The following DRC8 variants were observed in gnomAD, a reference collection of about 807,000 sequenced individuals.
The protein encoded by DRC8 is dynein regulatory complex protein 8.
the DRC8 span, among the ~76,000 whole-genome samples, chr1:245,065,520 C>T: frequency 3.4e-4 from 52 of 152,144 alleles, no homozygotes; most frequent in African/African-American, 1.2e-3. Flanking sequence ...AAATAGCATC[C>T]TGTTCTTGTT....
the DRC8 span, chr1:244,970,321 T>TCCTCC: frequency 0.61 from 789,853 of 1,303,292 alleles, 229,215 homozygotes; most frequent in East Asian, 0.75. Context: ...GAGCGGCCCC[T>TCCTCC]CCTCCAGGCC....
chr1:245,069,016 G>A, the DRC8 span, among the ~76,000 whole-genome samples: 4 of 152,014 alleles, frequency 2.6e-5, no homozygotes, highest in Admixed American at 6.6e-5. Context: ...AGAAACCAAC[G>A]CTTTAAGAAA....
At chr1:244,993,190 T>C in the DRC8 span, among the ~76,000 whole-genome samples, 12 of 152,206 alleles carry the variant, frequency 7.9e-5, no homozygotes, top group African/African-American at 2.9e-4. Flanking sequence ...TAACCCTATA[T>C]AATATCAGTG....
At chr1:245,015,775 C>T in the DRC8 span, 1 of 260,262 alleles carries the variant, frequency 3.8e-6, no homozygotes, top group Non-Finnish European at 7.7e-6. Flanking sequence ...ACCTTCACTG[C>T]TACCATTCTG....
chr1:245,053,560 G>C, the DRC8 span, among the ~76,000 whole-genome samples: 1 of 152,240 alleles, frequency 6.6e-6, no homozygotes, highest in East Asian at 1.9e-4. Context: ...TAGTGGAGCA[G>C]TTTGTAGGTG....
At chr1:245,099,602 T>C in the DRC8 span, among the ~76,000 whole-genome samples, 1 of 152,246 alleles carries the variant, frequency 6.6e-6, no homozygotes, top group South Asian at 2.1e-4. Flanking sequence ...TGCAAAGCCT[T>C]TCTGAAAACA....
chr1:245,045,164 C>T, the DRC8 span, among the ~76,000 whole-genome samples: 1 of 152,104 alleles, frequency 6.6e-6, no homozygotes, highest in Non-Finnish European at 1.5e-5. Context: ...CACACACCAC[C>T]ATGCCTGGCT....
chr1:245,057,457 A>G, the DRC8 span, among the ~76,000 whole-genome samples: 1 of 152,078 alleles, frequency 6.6e-6, no homozygotes, highest in Non-Finnish European at 1.5e-5. Context: ...TTAATGAGCT[A>G]TTTTGCATTT....
chr1:245,114,608 G>A, the DRC8 span, among the ~76,000 whole-genome samples: 1 of 152,212 alleles, frequency 6.6e-6, no homozygotes, highest in African/African-American at 2.4e-5. Context: ...ACTCGTTCAA[G>A]AGGAAATTCA....
At chr1:244,997,613 G>A in the DRC8 span, among the ~76,000 whole-genome samples, 3 of 146,644 alleles carry the variant, frequency 2.0e-5, no homozygotes, top group South Asian at 4.3e-4. Flanking sequence ...GTGTGATCTC[G>A]GCTCACCACA....
the DRC8 span, among the ~76,000 whole-genome samples, chr1:245,077,267 C>G: frequency 6.6e-6 from 1 of 151,982 alleles, no homozygotes; most frequent in Admixed American, 6.6e-5. Context: ...GATTAAACAT[C>G]TACCCTATTC....
chr1:245,106,666 G>A, the DRC8 span, among the ~76,000 whole-genome samples: 1 of 152,162 alleles, frequency 6.6e-6, no homozygotes, highest in Non-Finnish European at 1.5e-5. Flanking sequence ...TGTAAGCTAG[G>A]TAGAAAGTTG....
chr1:244,990,193 C>T, the DRC8 span, among the ~76,000 whole-genome samples: 6 of 152,224 alleles, frequency 3.9e-5, no homozygotes, highest in South Asian at 6.2e-4. Context: ...CATCTCATCA[C>T]GTGGGCATTT....
At chr1:245,005,992 A>G in the DRC8 span, among the ~76,000 whole-genome samples, 1 of 152,160 alleles carries the variant, frequency 6.6e-6, no homozygotes, top group Non-Finnish European at 1.5e-5. Flanking sequence ...TATCACTGGG[A>G]CACTACAGAG....
the DRC8 span, among the ~76,000 whole-genome samples, chr1:245,085,029 A>G: frequency 6.6e-6 from 1 of 152,230 alleles, no homozygotes; most frequent in Non-Finnish European, 1.5e-5. Context: ...GGCAACATGA[A>G]TTTAGTCAAA....
At chr1:245,014,694 A>T in the DRC8 span, among the ~76,000 whole-genome samples, 5 of 152,102 alleles carry the variant, frequency 3.3e-5, no homozygotes, top group African/African-American at 1.2e-4. Flanking sequence ...GAAGAGCAGG[A>T]TTGTTCAAAT....
the DRC8 span, among the ~76,000 whole-genome samples, chr1:245,026,851 A>G: frequency 4.7e-4 from 72 of 152,348 alleles, no homozygotes; most frequent in African/African-American, 1.7e-3. Flanking sequence ...GAATACAAAT[A>G]TATGCATGGA....
the DRC8 span, among the ~76,000 whole-genome samples, chr1:245,119,804 G>T: frequency 6.6e-6 from 1 of 150,856 alleles, no homozygotes; most frequent in Non-Finnish European, 1.5e-5. Flanking sequence ...GTGGTGGCAG[G>T]TGCCTGTAGT....
At chr1:245,111,941 A>G in the DRC8 span, among the ~76,000 whole-genome samples, 1 of 152,198 alleles carries the variant, frequency 6.6e-6, no homozygotes, top group African/African-American at 2.4e-5. Flanking sequence ...GGCTGAGGCC[A>G]GAGGATTGCT....
Sources: gnomAD v4.1 joint callset for allele counts (sites outside exome capture counted in the v4.1 genomes callset) on GRCh38, gnomAD v4.1.1 for gene constraint, MANE v1.5 for transcripts, NCBI Gene and HGNC (gene_info 2026-07-23, HGNC 2026-07-21) for gene names.